SNTG2: variants seen among roughly 807,000 people sequenced by gnomAD.
The protein encoded by SNTG2 is gamma-2-syntrophin.
A neutral mutation model predicts 70.9 loss-of-function variants in SNTG2; 74 were observed. The observed-to-expected ratio is 1.04, with a 90% confidence interval of 0.86 to 1.27. The LOEUF (loss-of-function observed/expected upper bound fraction) is 1.27. Ranked by LOEUF, SNTG2 falls within the 50% of genes most tolerant of loss-of-function variation. The probability of loss-of-function intolerance (pLI) is 0.00; values close to 1 mark genes in which losing one functional copy is unlikely to be tolerated. For synonymous variants in SNTG2, 278 were observed against 273.8 expected, an observed-to-expected ratio of 1.02 and a Z score of -0.15; for missense variants, 717 against 690.7, an observed-to-expected ratio of 1.04 and a Z score of -0.43.
chr2:1,267,312 A>G (rs1678793381), intron 13 of SNTG2, 53 bp from the exon 14 acceptor site: 27 of 1,507,486 alleles, frequency 1.8e-5, no homozygotes, highest in Middle Eastern at 3.8e-4. Flanking sequence ...GGCCCTCAGC[A>G]TGGGAATGAC....
chr2:1,117,037 CCTGGTGTGTGGGTGCT>C (rs148468442), intron 4 of SNTG2, among the ~76,000 whole-genome samples: 52,875 of 144,238 alleles, frequency 0.37, 9,503 homozygotes, highest in East Asian at 0.52. Context: ...GTGTGAGTGC[CCTGGTGTGTGGGTGCT>C]CTGGTGTGTG....
chr2:1,034,261 A>G (rs750549101), intron 1 of SNTG2, among the ~76,000 whole-genome samples: 5 of 152,188 alleles, frequency 3.3e-5, no homozygotes, highest in Non-Finnish European at 7.3e-5. Flanking sequence ...AGCTCCATCC[A>G]TATTCCTACA....
intron 1 of SNTG2, among the ~76,000 whole-genome samples, chr2:998,070 C>T (rs1425543764): frequency 6.6e-6 from 1 of 152,188 alleles, no homozygotes; most frequent in Non-Finnish European, 1.5e-5. Flanking sequence ...GGAGTTCACG[C>T]AGAATCTTTG....
At chr2:1,018,949 C>T (rs1226425288) in intron 1 of SNTG2, among the ~76,000 whole-genome samples, 3 of 152,190 alleles carry the variant, frequency 2.0e-5, no homozygotes, top group African/African-American at 7.2e-5. Flanking sequence ...CCATTGTCCT[C>T]CTCCTGTCCT....
At chr2:1,210,381 C>T (rs888011518) in intron 9 of SNTG2, 4 of 152,104 alleles carry the variant, frequency 2.6e-5, no homozygotes, top group Non-Finnish European at 5.9e-5. Flanking sequence ...GATAGACAGA[C>T]AGACAGATAG....
At chr2:1,188,235 A>G (rs1292302251) in intron 8 of SNTG2, among the ~76,000 whole-genome samples, 1 of 152,216 alleles carries the variant, frequency 6.6e-6, no homozygotes, top group African/African-American at 2.4e-5. Context: ...GCCTAGTAAA[A>G]CATCAGAGAT....
At chr2:1,165,314 C>A (rs866650046) in intron 6 of SNTG2, among the ~76,000 whole-genome samples, 2 of 152,024 alleles carry the variant, frequency 1.3e-5, no homozygotes, top group Middle Eastern at 6.8e-3. Context: ...TACGGGCAGA[C>A]CCCTGCTCAC....
At chr2:1,272,460 T>C (rs1679073490) in intron 14 of SNTG2, among the ~76,000 whole-genome samples, 3 of 63,666 alleles carry the variant, frequency 4.7e-5, no homozygotes, top group Non-Finnish European at 8.3e-5. Flanking sequence ...AGACTGGTAC[T>C]GGTAAAAAAA....
chr2:1,330,027 G>A (rs1054730448), intron 16 of SNTG2, among the ~76,000 whole-genome samples: 1 of 152,186 alleles, frequency 6.6e-6, no homozygotes. Context: ...ATAAACAAGT[G>A]TTGTGAGGGG....
intron 1 of SNTG2, among the ~76,000 whole-genome samples, chr2:1,045,058 T>C (rs2148065860): frequency 6.6e-6 from 1 of 152,066 alleles, no homozygotes; most frequent in African/African-American, 2.4e-5. Flanking sequence ...TTAATAAGAA[T>C]TCAATTTTGG....
intron 1 of SNTG2, among the ~76,000 whole-genome samples, chr2:1,064,000 T>A (rs1386556258): frequency 6.6e-6 from 1 of 152,016 alleles, no homozygotes; most frequent in Non-Finnish European, 1.5e-5. Flanking sequence ...ATAATCAAAC[T>A]GCTGAAAGTG....
intron 8 of SNTG2, among the ~76,000 whole-genome samples, chr2:1,202,832 G>T (rs1268712608): frequency 6.6e-6 from 1 of 152,094 alleles, no homozygotes; most frequent in Non-Finnish European, 1.5e-5. Context: ...ATTTTATTAT[G>T]ATTTAAAAAT....
chr2:1,205,613 G>T (rs1349529520), intron 8 of SNTG2, among the ~76,000 whole-genome samples: 1 of 152,152 alleles, frequency 6.6e-6, no homozygotes, highest in Non-Finnish European at 1.5e-5. Flanking sequence ...CCAGTGACCT[G>T]ATGCCAATTC....
At chr2:1,241,734 T>C (rs1406854889) in intron 11 of SNTG2, among the ~76,000 whole-genome samples, 1 of 152,196 alleles carries the variant, frequency 6.6e-6, no homozygotes, top group Non-Finnish European at 1.5e-5. Flanking sequence ...TGGAGCACAT[T>C]GAAGGAGCAT....
chr2:1,067,051 CAAAT>C (rs1018164270), intron 1 of SNTG2, among the ~76,000 whole-genome samples: 2 of 151,472 alleles, frequency 1.3e-5, no homozygotes, highest in African/African-American at 4.9e-5. Context: ...ATTTTGAACT[CAAAT>C]AAGAAAATCG....
At chr2:973,683 C>A (rs1024804172) in intron 1 of SNTG2, among the ~76,000 whole-genome samples, 1 of 152,050 alleles carries the variant, frequency 6.6e-6, no homozygotes, top group Non-Finnish European at 1.5e-5. Context: ...GATTTTCCCA[C>A]AGCTCTGATA....
At chr2:1,299,402 C>A (rs960936060) in intron 14 of SNTG2, among the ~76,000 whole-genome samples, 1 of 152,218 alleles carries the variant, frequency 6.6e-6, no homozygotes, top group African/African-American at 2.4e-5. Context: ...CTTCCTGCCT[C>A]TTCCTGCTTT....
At chr2:1,237,130 A>C (rs1177549815) in intron 9 of SNTG2, among the ~76,000 whole-genome samples, 2 of 151,752 alleles carry the variant, frequency 1.3e-5, no homozygotes, top group Non-Finnish European at 2.9e-5. Context: ...TTTCGTAGAG[A>C]TGGGACTTCA....
intron 1 of SNTG2, among the ~76,000 whole-genome samples, chr2:963,902 T>C (rs1290529510): frequency 6.6e-6 from 1 of 152,172 alleles, no homozygotes. Flanking sequence ...TCTGTCTTCA[T>C]TTTCTTCTTT....
Sources: allele counts gnomAD v4.1 joint callset (sites outside exome capture counted in the v4.1 genomes callset), GRCh38; gene constraint gnomAD v4.1.1; transcripts MANE v1.5; gene names NCBI Gene and HGNC (gene_info 2026-07-23, HGNC 2026-07-21).